Variants in PTPDC1 observed in about 807,000 individuals in gnomAD.
PTPDC1 encodes protein tyrosine phosphatase domain containing 1, also known as protein tyrosine phosphatase domain-containing protein 1.
PTPDC1 carries 53 observed loss-of-function variants against 75.3 expected under a neutral mutation model. The ratio of observed to expected loss-of-function variants is 0.70; its 90% CI spans 0.56 to 0.88. PTPDC1 has a LOEUF of 0.88. Among genes scored for constraint, PTPDC1 ranks in the 40% least tolerant of loss-of-function variants. The probability of loss-of-function intolerance (pLI) is 0.00; values close to 1 mark genes in which losing one functional copy is unlikely to be tolerated. For synonymous variants in PTPDC1, 349 were observed against 366.2 expected (o/e 0.95, Z 0.54); for missense variants, 925 against 998.6 (o/e 0.93, Z 0.99).
chr9:94,093,113 T>G (rs1827391661), intron 4 of PTPDC1, among the ~76,000 whole-genome samples: 1 of 152,196 alleles, frequency 6.6e-6, no homozygotes, highest in South Asian at 2.1e-4. Flanking sequence ...ATGTGTGAAT[T>G]TGATCCTGTC....
chr9:94,092,277 T>G (rs1482676716), intron 4 of PTPDC1, among the ~76,000 whole-genome samples: 1 of 145,292 alleles, frequency 6.9e-6, no homozygotes, highest in Non-Finnish European at 1.5e-5. Context: ...GATTCTGGTA[T>G]GTTGTGTCTT....
intron 2 of PTPDC1, among the ~76,000 whole-genome samples, chr9:94,072,356 A>G (rs1826539256): frequency 1.3e-5 from 2 of 152,118 alleles, no homozygotes; most frequent in African/African-American, 4.8e-5. Flanking sequence ...GTTTGTGTAT[A>G]GAAATGCAAT....
At chr9:94,031,565 T>A (rs539697195) in intron 1 of PTPDC1, among the ~76,000 whole-genome samples, 1 of 152,246 alleles carries the variant, frequency 6.6e-6, no homozygotes, top group East Asian at 1.9e-4. Context: ...ACTAAATTAG[T>A]CACGTGACCT....
chr9:94,107,900 G>A lies in PTPDC1; in HGVS notation c.2383G>A (p.Glu795Lys), dbSNP rs1349395942. 6.2e-7 allele frequency: 1 copy of A among 1,608,714 alleles called. No individual in the cohort carries two copies. The highest frequency in any genetic ancestry group is 8.5e-7 in the Non-Finnish European group (1 of 1,177,568). ...GAAAATATTTAAGCACACGCTGGAAGAAAAAAGAAAAATGACAAAAGATGG... is the reference window on the plus strand; with the variant it reads ...GAAAATATTTAAGCACACGCTGGAAAAAAAAAGAAAAATGACAAAAGATGG... ...LKKIFKHTLEEKRKMTKDGPK... is the reference protein window; with the variant it reads ...LKKIFKHTLEKKRKMTKDGPK... The change falls in exon 9 of 9, where the codon GAA becomes AAA. Residue 795 changes from glutamate to lysine, a missense_variant. Coordinates refer to ENST00000620992, the MANE Select transcript of PTPDC1 (RefSeq NM_001253829.2).
In PTPDC1 at chr9:94,098,404, T is replaced by C. The variant is rs775757166; in HGVS notation, c.1838T>C (p.Phe613Ser). Reference sequence around the variant, plus strand: ...TGTGGCTCCAGTCCCAAAGCACAGTTCTTGGTTGAACATGAAACCCAGGAC... The same window carrying C: ...TGTGGCTCCAGTCCCAAAGCACAGTCCTTGGTTGAACATGAAACCCAGGAC... ...LDCGSSPKAQ[F>S]LVEHETQDSK... The change falls in exon 6 of 9, where the codon TTC (phenylalanine) becomes TCC (serine). Residue 613 changes from phenylalanine (F) to serine (S), a missense_variant. By Grantham distance (155) the Phe-to-Ser change is radical (BLOSUM62 -2). Coordinates refer to ENST00000620992, the MANE Select transcript of PTPDC1 (RefSeq NM_001253829.2). The C allele has an allele frequency of 1.9e-6, 3 of 1,614,080 alleles. No homozygotes were observed.
At chr9:94,098,671 A>C (rs1827720247) in intron 6 of PTPDC1, 92 bp downstream of exon 6, 4 of 1,066,738 alleles carry the variant, frequency 3.7e-6, no homozygotes, top group Non-Finnish European at 4.2e-6. Context: ...TATTTATTAT[A>C]GAAATGTGAA....
At chr9:94,041,160 C>G (rs1262997795) in intron 1 of PTPDC1, among the ~76,000 whole-genome samples, 1 of 152,194 alleles carries the variant, frequency 6.6e-6, no homozygotes, top group Non-Finnish European at 1.5e-5. Context: ...TCAACTGACT[C>G]TAGTTCAGTG....
At chr9:94,102,531 A>G (rs1450282960) in intron 7 of PTPDC1, among the ~76,000 whole-genome samples, 1 of 152,014 alleles carries the variant, frequency 6.6e-6, no homozygotes, top group East Asian at 1.9e-4. Context: ...ATCCATACAG[A>G]GATACTAAAT....
intron 7 of PTPDC1, among the ~76,000 whole-genome samples, chr9:94,102,204 T>C (rs1417418160): frequency 6.6e-6 from 1 of 152,168 alleles, no homozygotes; most frequent in Non-Finnish European, 1.5e-5. Flanking sequence ...TTTCTACTTA[T>C]TTGCTGTGAG....
chr9:94,093,688 T>G (rs1827419184), intron 4 of PTPDC1, among the ~76,000 whole-genome samples: 1 of 147,930 alleles, frequency 6.8e-6, no homozygotes, highest in Non-Finnish European at 1.5e-5. Context: ...TTTTCCAACT[T>G]GGTTCCATTC....
intron 1 of PTPDC1, among the ~76,000 whole-genome samples, chr9:94,043,234 T>C (rs1393637466): frequency 1.3e-5 from 2 of 152,328 alleles, no homozygotes; most frequent in South Asian, 4.1e-4. Flanking sequence ...CCTTGCCACT[T>C]TGATATTGCT....
intron 2 of PTPDC1, among the ~76,000 whole-genome samples, chr9:94,072,947 C>T (rs1338697164): frequency 1.3e-5 from 2 of 151,796 alleles, no homozygotes; most frequent in African/African-American, 2.4e-5. Flanking sequence ...GATTTTTTTC[C>T]TAAGTTCAGG....
intron 1 of PTPDC1, chr9:94,064,598 GA>G (rs1826240914): frequency 1.6e-6 from 1 of 610,554 alleles, no homozygotes; most frequent in East Asian, 2.8e-5. Flanking sequence ...ATCTCAACCT[GA>G]CTAGCCATAT....
intron 2 of PTPDC1, 36 bp downstream of exon 2, chr9:94,085,458 G>A (rs1293856983): frequency 1.2e-6 from 2 of 1,609,216 alleles, no homozygotes; most frequent in African/African-American, 1.3e-5. Flanking sequence ...AGCTCTGTTG[G>A]ATACAGGAAG....
intron 1 of PTPDC1, among the ~76,000 whole-genome samples, chr9:94,061,859 G>A (rs1826151235): frequency 6.6e-6 from 1 of 152,230 alleles, no homozygotes. Context: ...TCTCTGAAAT[G>A]CCTTCAAGGC....
At chr9:94,101,299 G>C (rs967054134) in intron 6 of PTPDC1, 2 of 313,570 alleles carry the variant, frequency 6.4e-6, no homozygotes, top group Non-Finnish European at 1.2e-5. Flanking sequence ...AGCTTTAACC[G>C]ACCTTATCTC....
chr9:94,108,415 A>G lies in PTPDC1; in HGVS notation c.*471A>G, dbSNP rs562238929. ...CACCAAGTGTCTTAAGCTGTTTTAT[A>G]TTTGTTACGAAGAAGGCTATTGCTA... On this transcript the variant is annotated 3_prime_UTR_variant, in exon 9 of 9. Transcript: ENST00000620992. 1 of 152,768 alleles carries G rather than the reference A, an allele frequency of 6.5e-6. No homozygotes were observed. The highest frequency in any genetic ancestry group is 1.9e-4 in the East Asian group (1 of 5,190). 9.5% of individuals were successfully genotyped at this position (152,768 alleles called of 1,614,324 possible). A position where few individuals can be genotyped will look rare whatever the true frequency, so the allele number is the denominator to read the frequency against.
rs1828086883 is a variant in PTPDC1 at position 94,108,156 on chromosome 9, A to G, written c.*212A>G. 3.1e-6 allele frequency: 1 copy of G among 323,246 alleles called. No homozygotes were observed. Among genetic ancestry groups the G allele is most frequent in the East Asian group, 5.0e-5 (1 of 20,120 alleles). 20.0% of individuals were successfully genotyped at this position (323,246 alleles called of 1,614,324 possible). Reference sequence around the variant, plus strand: ...TTTTTGTTTTGAAAAATTGCCATAAATTTGGTGCCACTTTCTTTTATTTAT... The same window carrying G: ...TTTTTGTTTTGAAAAATTGCCATAAGTTTGGTGCCACTTTCTTTTATTTAT... On this transcript the variant is annotated 3_prime_UTR_variant, in exon 9 of 9. Transcript: ENST00000620992.
Position 94,095,181 on chromosome 9 carries a change from C to A in PTPDC1, c.617-136C>A, listed in dbSNP as rs137890980. On this transcript the variant is annotated intron_variant, in intron 4 of 8. Coordinates refer to ENST00000620992, the MANE Select transcript of PTPDC1 (RefSeq NM_001253829.2). Reference sequence around the variant, plus strand: ...GTAAAGTTACTGGGAATGTAAAATCCCTCTTATTTTATGCAGTGTATGCAC... The same window carrying A: ...GTAAAGTTACTGGGAATGTAAAATCACTCTTATTTTATGCAGTGTATGCAC... 5.6e-4 allele frequency: 318 copies of A among 570,128 alleles called. 1 individual carries two copies. The African/African-American group carries it at 5.6e-3, about 10-fold the overall frequency. The allele number at this position is 570,128 out of a possible 1,614,324, so 35.3% of individuals were successfully genotyped here.
Sources: allele counts gnomAD v4.1 joint callset (sites outside exome capture counted in the v4.1 genomes callset), GRCh38; gene constraint gnomAD v4.1.1; transcripts MANE v1.5; gene names NCBI Gene and HGNC (gene_info 2026-07-23, HGNC 2026-07-21).